Variants in NBPF20 observed in about 807,000 individuals in gnomAD.
NBPF20 encodes NBPF member 20.
NBPF20 carries 90 observed loss-of-function variants against 68.1 expected under a neutral mutation model. The ratio of observed to expected loss-of-function variants is 1.32; its 90% confidence interval spans 1.11 to 1.58. The LOEUF (loss-of-function observed/expected upper bound fraction) is 1.58, where lower values mean the gene tolerates loss of function less well. Ranked by LOEUF, NBPF20 falls within the 40% of genes most tolerant of loss-of-function variation. The probability of loss-of-function intolerance (pLI) is 0.00; values close to 1 mark genes in which losing one functional copy is unlikely to be tolerated. For missense variants in NBPF20, 816 were observed against 601.2 expected (o/e 1.36, Z -3.74); for synonymous variants, 290 against 228.1 (o/e 1.27, Z -2.45).
At chr1:145,292,542 A>C (rs1422928474) in intron 136 of NBPF20, 53 bp from the exon 142 acceptor site, 1 of 697,704 alleles carries the variant, frequency 1.4e-6, no homozygotes, top group Non-Finnish European at 2.5e-6. Context: ...CCCTACACAC[A>C]TAACAATCCA....
intron 2 of NBPF20, among the ~76,000 whole-genome samples, chr1:145,403,614 C>A (rs1163317293): frequency 6.6e-6 from 1 of 152,270 alleles, no homozygotes; most frequent in South Asian, 2.1e-4. Context: ...ACTCTGAATG[C>A]GGGGCCACTT....
chr1:145,397,504 G>C (rs1300518234), intron 7 of NBPF20, among the ~76,000 whole-genome samples: 6 of 152,152 alleles, frequency 3.9e-5, no homozygotes, highest in Non-Finnish European at 7.3e-5. Context: ...AAGTGAAGGA[G>C]AAATAAATCC....
the NBPF20 span, among the ~76,000 whole-genome samples, chr1:145,415,435 G>A: frequency 2.0e-5 from 3 of 151,660 alleles, no homozygotes; most frequent in East Asian, 5.9e-4. Context: ...TACGGGTGTC[G>A]GGCTGGGGGA....
At chr1:145,396,868 T>C (rs1232150726) in intron 7 of NBPF20, among the ~76,000 whole-genome samples, 5 of 134,914 alleles carry the variant, frequency 3.7e-5, no homozygotes, top group Non-Finnish European at 6.3e-5. Context: ...GCTTCACCCA[T>C]TAACTCATCA....
At chr1:145,421,774 C>T in the NBPF20 span, among the ~76,000 whole-genome samples, 5 of 152,156 alleles carry the variant, frequency 3.3e-5, no homozygotes, top group African/African-American at 4.8e-5. Flanking sequence ...GCGGTGATGG[C>T]TTATGCCTGT....
Position 145,395,106 on chromosome 1 carries a change from TG to T in NBPF20, c.862del (p.Gln288ArgfsTer31), listed in dbSNP as rs1662159552. ...CGAATAACCTTCATCCCAGGACTCC[TG>T]GGGGACTTCCTCCTCTTCAGACTCC... On this transcript the variant is annotated frameshift_variant, in exon 8 of 138. Transcript: ENST00000369373. LOFTEE classifies it high-confidence loss of function. 2 of 1,603,340 alleles carry T rather than the reference TG, an allele frequency of 1.2e-6. No homozygotes were observed. The highest frequency in any genetic ancestry group is 2.7e-5 in the African/African-American group (2 of 74,366).
intron 7 of NBPF20, among the ~76,000 whole-genome samples, chr1:145,397,622 A>G (rs1553664231): frequency 3.6e-4 from 55 of 152,320 alleles, no homozygotes; most frequent in African/African-American, 1.0e-3. Context: ...ACCAGCCACT[A>G]CAAAAACATG....
intron 2 of NBPF20, among the ~76,000 whole-genome samples, chr1:145,404,741 C>T (rs1338282747): frequency 3.9e-5 from 6 of 152,020 alleles, no homozygotes; most frequent in Admixed American, 1.3e-4. Flanking sequence ...TTCACTAGTC[C>T]TAGACATTTA....
chr1:145,366,527 G>C (rs1661695887), intron 43 of NBPF20, among the ~76,000 whole-genome samples, 175 bp from the exon 49 acceptor site: 1 of 82,540 alleles, frequency 1.2e-5, no homozygotes, highest in Non-Finnish European at 2.4e-5. Flanking sequence ...AAATGGAAAA[G>C]AATGAAAGAG....
rs1553658147 is a variant in NBPF20, at chr1:145,292,376, G to C, written c.16697+5C>G. 2 of 676,334 alleles carry C rather than the reference G, an allele frequency of 3.0e-6. No individual in the cohort carries two copies. The highest frequency in any genetic ancestry group is 4.0e-5 in the African/African-American group (2 of 50,104). 41.9% of individuals were successfully genotyped at this position (676,334 alleles called of 1,614,324 possible). On this transcript the variant is annotated splice_donor_5th_base_variant and intron_variant, in intron 137 of 137. Transcript: ENST00000369373. ...AATTAAGCATCCACAATTGCTGAAAGTCACCTGGGGCATGGTGGGTTTTGA... is the reference window on the plus strand; with the variant it reads ...AATTAAGCATCCACAATTGCTGAAACTCACCTGGGGCATGGTGGGTTTTGA...
chr1:145,402,735 G>C (rs1201605544), intron 3 of NBPF20, among the ~76,000 whole-genome samples: 2 of 149,014 alleles, frequency 1.3e-5, no homozygotes, highest in Non-Finnish European at 3.0e-5. Context: ...GCGGCCACTA[G>C]ATACAAAGCT....
At chr1:145,398,027 G>T (rs1446034905) in intron 7 of NBPF20, among the ~76,000 whole-genome samples, 1 of 152,064 alleles carries the variant, frequency 6.6e-6, no homozygotes, top group East Asian at 1.9e-4. Flanking sequence ...TTCAACAAGA[G>T]TTAACTATCC....
intron 9 of NBPF20, chr1:145,393,629 A>C (rs1272336195): frequency 2.3e-5 from 20 of 884,634 alleles, no homozygotes; most frequent in Non-Finnish European, 2.9e-5. Context: ...AATGTGCTCA[A>C]GTTTCCCTGC....
chr1:145,399,831 C>T (rs1662429393), intron 6 of NBPF20, among the ~76,000 whole-genome samples: 1 of 139,784 alleles, frequency 7.2e-6, no homozygotes, highest in Non-Finnish European at 1.5e-5. Context: ...ATTGGATCAG[C>T]CATTGCATTG....
At chr1:145,401,588 C>T (rs1241070223) in intron 4 of NBPF20, among the ~76,000 whole-genome samples, 4 of 132,700 alleles carry the variant, frequency 3.0e-5, no homozygotes, top group East Asian at 2.1e-4. Context: ...TCTTCAGGGA[C>T]ATTCTATCCA....
At chr1:145,306,296 C>T (rs1661407571) in intron 119 of NBPF20, among the ~76,000 whole-genome samples, 1 of 148,620 alleles carries the variant, frequency 6.7e-6, no homozygotes, top group Admixed American at 6.7e-5. Flanking sequence ...CACACACACA[C>T]ACAGACACAC....
chr1:145,334,935 C>T (rs1339628946), intron 83 of NBPF20, among the ~76,000 whole-genome samples: 1 of 123,820 alleles, frequency 8.1e-6, no homozygotes. Context: ...TTAGTGCCCT[C>T]GGGACACACA....
chr1:145,352,358 G>GAA (rs1661661868), intron 61 of NBPF20, among the ~76,000 whole-genome samples: 27 of 72,152 alleles, frequency 3.7e-4, no homozygotes, highest in East Asian at 1.4e-3. Flanking sequence ...GAGAGAACGA[G>GAA]CTCAGTGAAT....
chr1:145,402,359 C>A lies in NBPF20; in HGVS notation c.301G>T (p.Ala101Ser), dbSNP rs1326166781. The stretch of plus-strand genomic sequence containing the variant: ...AACTGGGTCAGCTCTCGTTCCTGAG[C>A]GTGAACCAGGACTTTATATTGCCTA... Residue 101 changes from alanine (A) to serine (S), a missense_variant, in exon 4 of 138, where the codon GCT (alanine) becomes TCT (serine). Physicochemically the swap from Ala to Ser is moderately conservative, Grantham distance 99. Transcript: ENST00000369373. 1.4e-3 allele frequency: 2,322 copies of A among 1,603,934 alleles called. 8 individuals carry two copies. The highest frequency in any genetic ancestry group is 0.013 in the Middle Eastern group (57 of 4,432).
Sources: gnomAD v4.1 joint callset for allele counts (sites outside exome capture counted in the v4.1 genomes callset) on GRCh38, gnomAD v4.1.1 for gene constraint, MANE v1.5 for transcripts, NCBI Gene and HGNC (gene_info 2026-07-23, HGNC 2026-07-21) for gene names.